Variants in GRIK1 observed in about 807,000 individuals in gnomAD.
GRIK1 encodes glutamate receptor ionotropic, kainate 1.
Under a neutral mutation model 105.7 loss-of-function variants are expected in GRIK1, and 69 were observed. That is an observed-to-expected ratio of 0.65 (90% confidence interval 0.54 to 0.80). The LOEUF is 0.80. GRIK1 is among the 30% of genes least tolerant of loss of function. The pLI is 0.00. For synonymous variants in GRIK1, 438 were observed against 431.3 expected, an observed-to-expected ratio of 1.02 and a Z score of -0.19; for missense variants, 1,109 against 1,167.3, an observed-to-expected ratio of 0.95 and a Z score of 0.73.
intron 1 of GRIK1, among the ~76,000 whole-genome samples, chr21:29,724,949 C>T (rs2064416294): frequency 6.7e-6 from 1 of 148,932 alleles, no homozygotes; most frequent in Non-Finnish European, 1.5e-5. Context: ...ATATTTTTAT[C>T]ATTGACTTTA....
At chr21:29,652,369 G>T (rs1440364622) in intron 5 of GRIK1, among the ~76,000 whole-genome samples, 2 of 152,178 alleles carry the variant, frequency 1.3e-5, no homozygotes, top group East Asian at 1.9e-4. Context: ...TTGTTGAAAA[G>T]AACTCATATC....
chr21:29,540,852 C>T lies in GRIK1; in HGVS notation c.2608-2968G>A, dbSNP rs186422661. Among the ~76,000 whole-genome samples the T allele has an allele frequency of 2.4e-3, 361 of 152,234 alleles. 1 individual carries two copies. The highest frequency in any genetic ancestry group is 8.5e-3 in the African/African-American group (354 of 41,524). ...ACGTACTGCAAAAGGAGGCGGGATA[C>T]TCAGGTAGTATTTTCTGGTACTTTG... On this transcript the variant is annotated intron_variant, in intron 16 of 17. Coordinates refer to ENST00000327783, the MANE Select transcript of GRIK1 (RefSeq NM_001330994.2).
At chr21:29,565,524 G>A (rs1420113591) in intron 14 of GRIK1, among the ~76,000 whole-genome samples, 1 of 152,126 alleles carries the variant, frequency 6.6e-6, no homozygotes, top group Non-Finnish European at 1.5e-5. Flanking sequence ...CCTCTGACTC[G>A]TGGGTTCAAA....
At chr21:29,653,659 C>T (rs2062786364) in intron 5 of GRIK1, among the ~76,000 whole-genome samples, 1 of 152,216 alleles carries the variant, frequency 6.6e-6, no homozygotes, top group Non-Finnish European at 1.5e-5. Context: ...GAGTAAGACA[C>T]TTTGCAGTTC....
intron 3 of GRIK1, among the ~76,000 whole-genome samples, chr21:29,680,931 G>A (rs1043026184): frequency 6.6e-6 from 1 of 152,044 alleles, no homozygotes; most frequent in East Asian, 1.9e-4. Flanking sequence ...TCAGGAGTTC[G>A]GGACCAGCCT....
At chr21:29,788,630 C>T (rs937869173) in intron 1 of GRIK1, among the ~76,000 whole-genome samples, 1 of 152,168 alleles carries the variant, frequency 6.6e-6, no homozygotes, top group South Asian at 2.1e-4. Flanking sequence ...CACTTTATTT[C>T]TATTATTATT....
intron 1 of GRIK1, among the ~76,000 whole-genome samples, chr21:29,731,781 C>T (rs1282165897): frequency 1.3e-5 from 2 of 152,074 alleles, no homozygotes; most frequent in Admixed American, 6.6e-5. Context: ...CATCTCATAC[C>T]ATCTTAAAAT....
At chr21:29,797,442 A>G (rs1569104804) in intron 1 of GRIK1, among the ~76,000 whole-genome samples, 1 of 152,176 alleles carries the variant, frequency 6.6e-6, no homozygotes, top group Non-Finnish European at 1.5e-5. Flanking sequence ...TTATACTACA[A>G]ATCTATTCCT....
In GRIK1 at chr21:29,875,065, T is replaced by A. The variant is rs12482130; in HGVS notation, c.118+64318A>T. On this transcript the variant is annotated intron_variant, in intron 1 of 17. Coordinates refer to ENST00000327783, the MANE Select transcript of GRIK1 (RefSeq NM_001330994.2). ...ATGCAAACATTATTTATTTTGTCAA[T>A]TTCTTTTTCTCATTTTCTCCAAAAT... Among the ~76,000 whole-genome samples the A allele has an allele frequency of 7.6e-3, 1,152 of 151,870 alleles. 60 individuals are homozygous for A. The highest frequency in any genetic ancestry group is 0.067 in the Admixed American group (1,015 of 15,210).
chr21:29,581,318 G>A (rs1259072556), intron 13 of GRIK1, 107 bp downstream of exon 13: 1 of 724,008 alleles, frequency 1.4e-6, no homozygotes, highest in East Asian at 2.5e-5. Context: ...TTAAGTTCCT[G>A]AGATGGTGTT....
At chr21:29,795,438 G>A (rs1038159792) in intron 1 of GRIK1, among the ~76,000 whole-genome samples, 1 of 152,010 alleles carries the variant, frequency 6.6e-6, no homozygotes, top group Admixed American at 6.5e-5. Context: ...AGCTATCCTT[G>A]CTGCTCAGGT....
chr21:29,740,133 G>GAT (rs1430283147), intron 1 of GRIK1, among the ~76,000 whole-genome samples: 2 of 152,018 alleles, frequency 1.3e-5, no homozygotes, highest in Non-Finnish European at 2.9e-5. Context: ...ATAAACCAAC[G>GAT]ATAGTATGAG....
chr21:29,548,700 C>A (rs1008077430), intron 16 of GRIK1, among the ~76,000 whole-genome samples: 82 of 152,084 alleles, frequency 5.4e-4, no homozygotes, highest in African/African-American at 1.8e-3. Flanking sequence ...TACTGCATTG[C>A]CACAGATGGC....
chr21:29,564,093 C>G (rs1178220453), intron 14 of GRIK1, among the ~76,000 whole-genome samples: 3 of 152,192 alleles, frequency 2.0e-5, no homozygotes, highest in African/African-American at 7.2e-5. Flanking sequence ...AAATAGGAAT[C>G]AACCTTCACA....
At chr21:29,587,964 C>CTTT (rs568648777) in intron 11 of GRIK1, among the ~76,000 whole-genome samples, 1,287 of 65,372 alleles carry the variant, frequency 0.02, 238 homozygotes, top group East Asian at 0.095. Flanking sequence ...CTTTAAAATT[C>CTTT]TTTTTTTTTT....
At chr21:29,861,581 A>AACCCACACT in intron 1 of GRIK1, 1 of 353,688 alleles carries the variant, frequency 2.8e-6, no homozygotes, top group East Asian at 9.8e-5. Context: ...GTGTGGGATT[A>AACCCACACT]TAGGTGTGAG....
chr21:29,713,394 A>G (rs143266966), intron 1 of GRIK1, among the ~76,000 whole-genome samples: 2 of 151,954 alleles, frequency 1.3e-5, no homozygotes. Context: ...TATTTTTTTC[A>G]TTCTTGTAAT....
chr21:29,792,350 A>G (rs1029020557), intron 1 of GRIK1, among the ~76,000 whole-genome samples: 3 of 152,324 alleles, frequency 2.0e-5, no homozygotes, highest in Admixed American at 1.3e-4. Flanking sequence ...CAGTGTTAGG[A>G]AAGTGCTCAT....
chr21:29,796,241 C>T (rs1461817650), intron 1 of GRIK1, among the ~76,000 whole-genome samples: 1 of 152,126 alleles, frequency 6.6e-6, no homozygotes. Flanking sequence ...TGACAGCAGT[C>T]ATCATCTCTT....
Sources: gnomAD v4.1 joint callset for allele counts (sites outside exome capture counted in the v4.1 genomes callset) on GRCh38, gnomAD v4.1.1 for gene constraint, MANE v1.5 for transcripts, NCBI Gene and HGNC (gene_info 2026-07-23, HGNC 2026-07-21) for gene names.